MTFR1: variants seen among roughly 807,000 people sequenced by gnomAD.
MTFR1 encodes the protein mitochondrial fission regulator 1.
MTFR1 carries 28 observed loss-of-function variants against 38.8 expected under a neutral mutation model. That is an observed-to-expected ratio of 0.72 (90% CI 0.53 to 0.99). The LOEUF (loss-of-function observed/expected upper bound fraction) is 0.99, where lower values mean the gene tolerates loss of function less well. MTFR1 is among the 50% of genes least tolerant of loss of function. The pLI is 0.00. For missense variants in MTFR1, 358 were observed against 395.5 expected, an observed-to-expected ratio of 0.91 and a Z score of 0.81; for synonymous variants, 145 against 137.0, an observed-to-expected ratio of 1.06 and a Z score of -0.41.
intron 2 of MTFR1, chr8:65,717,693 T>C (rs1222193911): frequency 6.6e-6 from 1 of 152,202 alleles, no homozygotes; most frequent in Non-Finnish European, 1.5e-5. Context: ...TATGAAAAGA[T>C]AGGTTTTTAT....
chr8:65,693,101 T>C (rs1432688317), intron 3 of MTFR1, among the ~76,000 whole-genome samples: 2 of 152,112 alleles, frequency 1.3e-5, no homozygotes, highest in African/African-American at 2.4e-5. Flanking sequence ...TAGGATAGTT[T>C]TTTAAAAAAT....
intron 2 of MTFR1, among the ~76,000 whole-genome samples, chr8:65,679,862 T>A: frequency 6.6e-6 from 1 of 152,222 alleles, no homozygotes; most frequent in Middle Eastern, 3.4e-3. Flanking sequence ...TCTTCTAAGC[T>A]TCAGAGTAAC....
At chr8:65,659,783 G>A (rs1225563370) in intron 1 of MTFR1, among the ~76,000 whole-genome samples, 1 of 152,154 alleles carries the variant, frequency 6.6e-6, no homozygotes, top group African/African-American at 2.4e-5. Flanking sequence ...CTGATTCATT[G>A]TATCTTACAG....
chr8:65,651,429 T>C (rs1324479196), intron 1 of MTFR1, among the ~76,000 whole-genome samples: 1 of 152,212 alleles, frequency 6.6e-6, no homozygotes, highest in Non-Finnish European at 1.5e-5. Context: ...AGTTTCATAG[T>C]TTGAGGTCTT....
intron 3 of MTFR1, chr8:65,725,537 AATAC>A (rs1305297756): frequency 6.5e-6 from 1 of 154,050 alleles, no homozygotes; most frequent in South Asian, 2.0e-4. Flanking sequence ...ATAAACAGCA[AATAC>A]ATACATCATT....
intron 3 of MTFR1, chr8:65,719,539 C>G: frequency 7.9e-7 from 1 of 1,263,622 alleles, no homozygotes; most frequent in African/African-American, 1.5e-5. Context: ...TATGCTGAAA[C>G]TCTATCTTTA....
At chr8:65,751,733 C>T (rs1807976177) in intron 3 of MTFR1, among the ~76,000 whole-genome samples, 2 of 152,226 alleles carry the variant, frequency 1.3e-5, no homozygotes, top group South Asian at 4.1e-4. Context: ...CTCAGGTGAT[C>T]TGCCTGCCGC....
At chr8:65,776,571 A>T in the MTFR1 span, among the ~76,000 whole-genome samples, 1 of 152,132 alleles carries the variant, frequency 6.6e-6, no homozygotes, top group Non-Finnish European at 1.5e-5. Flanking sequence ...AGTTATCTTT[A>T]ATTTTTCTAT....
chr8:65,735,996 C>G (rs1372291611), intron 3 of MTFR1, among the ~76,000 whole-genome samples: 2 of 152,084 alleles, frequency 1.3e-5, no homozygotes, highest in African/African-American at 2.4e-5. Context: ...TTCCAAGACC[C>G]CCAGTGGATG....
chr8:65,663,361 C>A (rs1366838100), intron 1 of MTFR1, among the ~76,000 whole-genome samples: 1 of 151,886 alleles, frequency 6.6e-6, no homozygotes, highest in Non-Finnish European at 1.5e-5. Context: ...TCACCACTCT[C>A]TAATCTCAAG....
chr8:65,661,906 A>G (rs921037492), intron 1 of MTFR1, among the ~76,000 whole-genome samples: 6 of 152,016 alleles, frequency 3.9e-5, no homozygotes, highest in African/African-American at 1.2e-4. Context: ...GGAGAATGCA[A>G]TGAGCTGAGA....
At chr8:65,719,307 C>G in intron 2 of MTFR1, 1 of 1,613,694 alleles carries the variant, frequency 6.2e-7, no homozygotes, top group South Asian at 1.1e-5. Context: ...AACCGATTTT[C>G]CTGAGGTAAT....
intron 1 of MTFR1, among the ~76,000 whole-genome samples, chr8:65,664,892 G>T (rs1804330612): frequency 6.9e-6 from 1 of 145,202 alleles, no homozygotes; most frequent in South Asian, 2.3e-4. Flanking sequence ...CCCAGCCAAA[G>T]AAATATTTGA....
chr8:65,715,194 C>G (rs533677302), downstream of MTFR1, among the ~76,000 whole-genome samples: 148 of 152,042 alleles, frequency 9.7e-4, no homozygotes, highest in Admixed American at 3.5e-3. Flanking sequence ...TTAACTGTTT[C>G]CTAAAATTTT....
chr8:65,768,827 G>C (rs11782766), intron 3 of MTFR1, among the ~76,000 whole-genome samples: 73,603 of 152,008 alleles, frequency 0.48, 20,799 homozygotes, highest in African/African-American at 0.78. Context: ...TTCTGTGCTA[G>C]AATAATAGAT....
chr8:65,731,341 G>A (rs1049148686), intron 3 of MTFR1, among the ~76,000 whole-genome samples: 5 of 152,206 alleles, frequency 3.3e-5, no homozygotes, highest in Admixed American at 2.6e-4. Flanking sequence ...AGGCTCTTTT[G>A]TCAACTGCCA....
At chr8:65,777,298 C>T in the MTFR1 span, among the ~76,000 whole-genome samples, 3 of 151,968 alleles carry the variant, frequency 2.0e-5, no homozygotes, top group African/African-American at 7.2e-5. Context: ...AGGCTGGTCT[C>T]GAACTCCCGA....
downstream of MTFR1, among the ~76,000 whole-genome samples, chr8:65,773,472 C>T (rs1266752513): frequency 1.3e-5 from 2 of 152,158 alleles, no homozygotes; most frequent in Admixed American, 6.5e-5. Context: ...CTCCAGTGTT[C>T]TAAATACCAT....
chr8:65,657,650 A>C (rs1315554458), intron 1 of MTFR1, among the ~76,000 whole-genome samples: 2 of 151,748 alleles, frequency 1.3e-5, no homozygotes, highest in Non-Finnish European at 2.9e-5. Flanking sequence ...GGCTGTGGTG[A>C]GCAATGATCA....
Sources: gnomAD v4.1 joint callset for allele counts (sites outside exome capture counted in the v4.1 genomes callset) on GRCh38, gnomAD v4.1.1 for gene constraint, MANE v1.5 for transcripts, NCBI Gene and HGNC (gene_info 2026-07-23, HGNC 2026-07-21) for gene names.